The following KMT2A variants were observed in gnomAD, a reference collection of about 807,000 sequenced individuals.
KMT2A encodes histone-lysine N-methyltransferase 2A.
A neutral mutation model predicts 345.3 loss-of-function variants in KMT2A; 16 were observed. That is an observed-to-expected ratio of 0.05 (90% CI 0.03 to 0.07). KMT2A has a LOEUF of 0.07. KMT2A is among the 10% of genes least tolerant of loss of function. KMT2A has a pLI of 1.00. For synonymous variants in KMT2A, 1,599 were observed against 1,778.6 expected, an observed-to-expected ratio of 0.90 and a Z score of 2.54; for missense variants, 3,272 against 4,841.6, an observed-to-expected ratio of 0.68 and a Z score of 9.62.
Position 118,481,832 on chromosome 11 carries a change from A to T in KMT2A, c.3752A>T (p.Asp1251Val), listed in dbSNP as rs546537348. ...AAACCTACCCCATCAGCAAGAGAGG[A>T]TCCTGCCCCAAAGAAAAGCAGTAGT... ...SQKPTPSARE[D>V]PAPKKSSSEP... Residue 1251 changes from aspartate (D) to valine (V), a missense_variant, in exon 7 of 36, where the codon GAT (aspartate) becomes GTT (valine). This residue lies in a region of KMT2A where 168 missense variants were observed against 216.0 expected (regional missense o/e 0.78). Transcript: ENST00000534358. 6.2e-7 allele frequency: 1 copy of T among 1,614,224 alleles called. No individual in the cohort carries two copies. Among genetic ancestry groups the T allele is most frequent in the South Asian group, 1.1e-5 (1 of 91,090 alleles).
At chr11:118,489,935 A>G (rs782611606) in intron 12 of KMT2A, 48 bp downstream of exon 12, 28 of 1,532,410 alleles carry the variant, frequency 1.8e-5, no homozygotes, top group Middle Eastern at 1.7e-4. Flanking sequence ...CCATGTGACT[A>G]TTGGACTTAT....
At chr11:118,453,576 C>G (rs1365705644) in intron 1 of KMT2A, among the ~76,000 whole-genome samples, 3 of 152,224 alleles carry the variant, frequency 2.0e-5, no homozygotes, top group Non-Finnish European at 4.4e-5. Flanking sequence ...CTCATCCAGG[C>G]CTCATCTATA....
chr11:118,492,920 G>T, intron 15 of KMT2A, 137 bp from the exon 16 acceptor site: 2 of 701,338 alleles, frequency 2.9e-6, no homozygotes, highest in Non-Finnish European at 4.6e-6. Context: ...TTCTATTTGA[G>T]AAATCTGATT....
rs782219735 is a variant in KMT2A at position 118,499,344 on chromosome 11, T to G, written c.6003T>G (p.Phe2001Leu). ...ENGFEVFRRV[F>L]VDFEGISLRR... ...GATTTGAAGTTTTCAGAAGAGTGTT[T>G]GTGGACTTTGAAGGAATCAGCTTGA... The change falls in exon 23 of 36, where the codon TTT becomes TTG. Residue 2001 changes from phenylalanine to leucine, a missense_variant. Phe to Leu is a conservative substitution (Grantham distance 22). This residue lies in a region of KMT2A where 235 missense variants were observed against 503.4 expected (regional missense o/e 0.47). Transcript: ENST00000534358. 6.2e-7 allele frequency: 1 copy of G among 1,613,940 alleles called. No homozygotes were observed. Among genetic ancestry groups the G allele is most frequent in the Non-Finnish European group, 8.5e-7 (1 of 1,179,900 alleles).
In KMT2A at chr11:118,494,210, A is replaced by G. The variant is rs1950368742; in HGVS notation, c.5179-78A>G. 2.7e-6 allele frequency: 2 copies of G among 753,366 alleles called. No homozygotes were observed. The highest frequency in any genetic ancestry group is 2.6e-5 in the East Asian group (1 of 37,974). The allele number at this position is 753,366 out of a possible 1,614,324, so 46.7% of individuals were successfully genotyped here. Reference sequence around the variant, plus strand: ...GTTTTCTGTTGGATCTCTGTGCTGGATGATTAAGGAGGGAAGAGGAAATGG... The same window carrying G: ...GTTTTCTGTTGGATCTCTGTGCTGGGTGATTAAGGAGGGAAGAGGAAATGG... On this transcript the variant is annotated intron_variant, in intron 16 of 35. Coordinates refer to ENST00000534358, the MANE Select transcript of KMT2A (RefSeq NM_001197104.2). This position sits in a 1 kb window ranked among gnomAD's most constrained non-coding sequence, Gnocchi z 5.8.
At chr11:118,462,699 C>T (rs1275727554) in intron 1 of KMT2A, among the ~76,000 whole-genome samples, 1 of 152,164 alleles carries the variant, frequency 6.6e-6, no homozygotes, top group African/African-American at 2.4e-5. Flanking sequence ...GCTGGGACTA[C>T]AGGCGCCCGC....
chr11:118,480,319 A>C, intron 6 of KMT2A, 81 bp downstream of exon 6: 1 of 1,085,616 alleles, frequency 9.2e-7, no homozygotes, highest in Non-Finnish European at 1.4e-6. Context: ...AGAAGAGAAT[A>C]CTTTTTTTTT....
At chr11:118,478,416 A>G (rs183563725) in intron 5 of KMT2A, among the ~76,000 whole-genome samples, 1 of 152,342 alleles carries the variant, frequency 6.6e-6, no homozygotes, top group East Asian at 1.9e-4. Flanking sequence ...AACAATGGAA[A>G]TGTTCTATTG....
At chr11:118,438,409 G>A (rs1210436588) in intron 1 of KMT2A, among the ~76,000 whole-genome samples, 3 of 150,080 alleles carry the variant, frequency 2.0e-5, no homozygotes, top group African/African-American at 7.3e-5. Context: ...GTTTTCCATT[G>A]GATGCAGAAG....
In KMT2A at chr11:118,505,185, C is replaced by T. The variant is rs1555047613; in HGVS notation, c.9293C>T (p.Pro3098Leu). The T allele has an allele frequency of 6.2e-7, 1 of 1,614,092 alleles. No homozygotes were observed. The highest frequency in any genetic ancestry group is 2.2e-5 in the East Asian group (1 of 44,880). ...CCACTTTATGTTCTCCAAACTCTTC[C>T]AAATGGAGTGACCCAAAAAATCCAA... is the stretch of plus-strand genomic sequence containing the variant. ...MQPLYVLQTLPNGVTQKIQLT... is the reference protein window; with the variant it reads ...MQPLYVLQTLLNGVTQKIQLT... The change falls in exon 27 of 36, where the codon CCA becomes CTA. Residue 3098 changes from proline (P) to leucine (L), a missense_variant. Physicochemically the swap from Pro to Leu is moderately conservative, Grantham distance 98. This residue lies in a region of KMT2A where 748 missense variants were observed against 922.2 expected (regional missense o/e 0.81). Coordinates refer to ENST00000534358, the MANE Select transcript of KMT2A (RefSeq NM_001197104.2). The surrounding 1 kb of genome is among the most constrained non-coding windows in gnomAD (Gnocchi z 4.6).
In KMT2A at chr11:118,510,745, G is replaced by A. The variant is rs1950671121; in HGVS notation, c.11071+627G>A. 6.6e-6 allele frequency among the ~76,000 whole-genome samples: 1 copy of A among 152,156 alleles called. No homozygotes were observed. The highest frequency in any genetic ancestry group is 2.1e-4 in the South Asian group (1 of 4,822). ...ATCTAAGTGTTCATCCACCTTTGAA[G>A]GACTAGTAAATGTTCTCTAGGCTGT... On this transcript the variant is annotated intron_variant, in intron 30 of 35. Transcript: ENST00000534358. The surrounding 1 kb of genome is among the most constrained non-coding windows in gnomAD (Gnocchi z 4.1).
At chr11:118,474,450 A>G in intron 3 of KMT2A, 135 bp downstream of exon 3, 1 of 1,125,734 alleles carries the variant, frequency 8.9e-7, no homozygotes, top group Admixed American at 2.8e-5. Context: ...TGGTATTTGC[A>G]GTAGTCCTTC....
rs782683534 is a variant in KMT2A at position 118,481,871 on chromosome 11, G to A, written c.3791G>A (p.Arg1264Gln). The change falls in exon 7 of 36, where the codon CGA (arginine) becomes CAA (glutamine). Residue 1264 changes from arginine (R) to glutamine (Q), a missense_variant. Transcript: ENST00000534358. ...PKKSSSEPPP[R>Q]KPVEEKSEEG... ...AAAAGCAGTAGTGAGCCTCCTCCAC[G>A]AAAGCCCGTCGAGGAAAAGAGTGAA... The A allele has an allele frequency of 4.3e-6, 7 of 1,614,134 alleles. No individual in the cohort carries two copies. The Admixed American group carries it at 6.7e-5, about 15-fold the overall frequency.
intron 31 of KMT2A, among the ~76,000 whole-genome samples, chr11:118,515,064 G>T (rs964378122): frequency 6.6e-6 from 1 of 152,210 alleles, no homozygotes; most frequent in East Asian, 1.9e-4. Context: ...ACTGTGCCCG[G>T]CCCATCCATG....
intron 6 of KMT2A, 84 bp downstream of exon 6, chr11:118,480,322 T>G: frequency 9.7e-7 from 1 of 1,029,200 alleles, no homozygotes. Context: ...AGAGAATACT[T>G]TTTTTTTTAA....
At chr11:118,512,132 TCA>T in intron 31 of KMT2A, 107 bp downstream of exon 31, 1 of 932,722 alleles carries the variant, frequency 1.1e-6, no homozygotes, top group African/African-American at 1.7e-5. Flanking sequence ...AAAATTTTTT[TCA>T]CAGCTTTATT....
In KMT2A at chr11:118,506,021, G is replaced by T; in HGVS notation, c.10129G>T (p.Asp3377Tyr). The part of the protein sequence containing the change: ...LTNPRLLGTP[D>Y]IGSISNLLIK... ...CAACCCAAGGTTGCTTGGTACCCCA[G>T]ATATTGGCTCAATAAGCAATCTTTT... The change falls in exon 27 of 36, where the codon GAT (aspartate) becomes TAT (tyrosine). Residue 3377 changes from aspartate (D) to tyrosine (Y), a missense_variant. Coordinates refer to ENST00000534358, the MANE Select transcript of KMT2A (RefSeq NM_001197104.2). The T allele has an allele frequency of 6.2e-7, 1 of 1,614,220 alleles. No individual in the cohort carries two copies. The highest frequency in any genetic ancestry group is 8.5e-7 in the Non-Finnish European group (1 of 1,180,040).
chr11:118,498,635 C>T lies in KMT2A; in HGVS notation c.5961+107C>T. On this transcript the variant is annotated intron_variant, in intron 22 of 35. Coordinates refer to ENST00000534358, the MANE Select transcript of KMT2A (RefSeq NM_001197104.2). This position sits in a 1 kb window ranked among gnomAD's most constrained non-coding sequence, Gnocchi z 4.4. The stretch of plus-strand genomic sequence containing the variant: ...AGGTACAGAGATTTCCCATATGCCC[C>T]CTGCACCCACATATGCACAGCCTCC... 1 of 1,100,978 alleles carries T rather than the reference C, an allele frequency of 9.1e-7. No homozygotes were observed. Among genetic ancestry groups the T allele is most frequent in the Non-Finnish European group, 1.3e-6 (1 of 780,538 alleles). 68.2% of individuals were successfully genotyped at this position (1,100,978 alleles called of 1,614,324 possible).
chr11:118,462,312 TTTTTGTTTTGTTTTG>T (rs202080031), intron 1 of KMT2A, among the ~76,000 whole-genome samples: 1 of 152,026 alleles, frequency 6.6e-6, no homozygotes, highest in Non-Finnish European at 1.5e-5. Flanking sequence ...TTACTTAGTT[TTTTTGTTTTGTTTTG>T]TTTTGTTTTG....
Sources: gnomAD v4.1 joint callset for allele counts (sites outside exome capture counted in the v4.1 genomes callset) on GRCh38, gnomAD v4.1.1 for gene constraint, gnomAD v4.1.1 regional missense constraint, Gnocchi (gnomAD v3.1) non-coding constraint, MANE v1.5 for transcripts, NCBI Gene and HGNC (gene_info 2026-07-23, HGNC 2026-07-21) for gene names.